Variants in ERICH3 observed in about 807,000 individuals in gnomAD.
ERICH3 encodes the protein glutamate-rich protein 3.
In ERICH3, 126 loss-of-function variants were observed where a neutral mutation model predicts 131.1. That is an observed-to-expected ratio of 0.96 (90% confidence interval 0.83 to 1.11). The LOEUF (loss-of-function observed/expected upper bound fraction) is 1.11, where lower values mean the gene tolerates loss of function less well. Ranked by LOEUF, ERICH3 falls within the 50% of genes most tolerant of loss-of-function variation. The probability of loss-of-function intolerance (pLI) is 0.00; values close to 1 mark genes in which losing one functional copy is unlikely to be tolerated. For synonymous variants in ERICH3, 695 were observed against 644.6 expected (o/e 1.08, Z -1.18); for missense variants, 2,050 against 1,810.7 (o/e 1.13, Z -2.40).
At chr1:74,584,727 C>T (rs1016005338) in intron 12 of ERICH3, among the ~76,000 whole-genome samples, 1 of 152,184 alleles carries the variant, frequency 6.6e-6, no homozygotes, top group African/African-American at 2.4e-5. Flanking sequence ...AGGCATATCT[C>T]TCTCCTAGAA....
At position 74,572,908 on chromosome 1, in the gene ERICH3, C is replaced by T. The variant is rs780568859; in HGVS notation, c.2802G>A (p.Glu934=). The part of the protein sequence containing the change: ...EAATSEEGEA[E]GGVAVSDVGE... ...CGACATCACTCACAGCCACCCCACCCTCAGCCTCTCCCTCCTCCGATGTCG... is the reference window on the plus strand; with the variant it reads ...CGACATCACTCACAGCCACCCCACCTTCAGCCTCTCCCTCCTCCGATGTCG... Residue 934 remains glutamate (E), a synonymous_variant, in exon 14 of 15, where the codon GAG becomes GAA. Transcript: ENST00000326665. 2.5e-6 allele frequency: 4 copies of T among 1,613,964 alleles called. No individual in the cohort carries two copies. The highest frequency in any genetic ancestry group is 4.5e-5 in the East Asian group (2 of 44,880).
At chr1:74,620,071 C>G (rs1237245322) in intron 8 of ERICH3, among the ~76,000 whole-genome samples, 2 of 152,148 alleles carry the variant, frequency 1.3e-5, no homozygotes, top group African/African-American at 4.8e-5. Flanking sequence ...TTTTTGGACC[C>G]AGTTTCTTAA....
At chr1:74,612,163 G>A (rs1648727347) in intron 9 of ERICH3, among the ~76,000 whole-genome samples, 1 of 152,200 alleles carries the variant, frequency 6.6e-6, no homozygotes, top group African/African-American at 2.4e-5. Context: ...GGGTCAGACA[G>A]TAATGCAGGC....
At position 74,569,230 on chromosome 1, in the gene ERICH3, G is replaced by T. The variant is rs1646908019; in HGVS notation, c.*1228C>A. 1.0e-5 allele frequency: 1 copy of T among 100,370 alleles called. No homozygotes were observed. Among genetic ancestry groups the T allele is most frequent in the South Asian group, 3.2e-4 (1 of 3,112 alleles). The allele number at this position is 100,370 out of a possible 1,614,324, so 6.2% of individuals were successfully genotyped here. ...TGTAGATCCATCTAAAACGAATTAA[G>T]TCTGAATCTCTGGGGTGGGGAAAAG... is the stretch of plus-strand genomic sequence containing the variant. On this transcript the variant is annotated 3_prime_UTR_variant, in exon 15 of 15. Transcript: ENST00000326665.
chr1:74,634,510 C>A (rs1283893678), intron 6 of ERICH3, among the ~76,000 whole-genome samples: 2 of 151,924 alleles, frequency 1.3e-5, no homozygotes, highest in South Asian at 4.1e-4. Flanking sequence ...TGGCTCAGAA[C>A]AGATTTGAAG....
intron 8 of ERICH3, among the ~76,000 whole-genome samples, chr1:74,615,853 T>C (rs931965073): frequency 6.6e-6 from 1 of 152,004 alleles, no homozygotes; most frequent in Admixed American, 6.5e-5. Flanking sequence ...TCTGTGGGGG[T>C]TGACTTGATT....
In ERICH3 at chr1:74,591,145, T is replaced by C. The variant is rs576694510; in HGVS notation, c.1727-1065A>G. The stretch of plus-strand genomic sequence containing the variant: ...TTTAGGTGACACTTGCATGTGTGTG[T>C]GTACATAGATGGAGATTTTATCTTA... On this transcript the variant is annotated intron_variant, in intron 11 of 14. Transcript: ENST00000326665. Among the ~76,000 whole-genome samples, 19 of 152,270 alleles carry C rather than the reference T, an allele frequency of 1.2e-4. 2 individuals carry two copies. In the South Asian group the frequency reaches 3.3e-3, roughly 27 times the overall value.
chr1:74,624,117 A>G (rs776042578), intron 7 of ERICH3: 9 of 152,172 alleles, frequency 5.9e-5, no homozygotes, highest in Non-Finnish European at 1.3e-4. Flanking sequence ...GGCATTCCAT[A>G]TTCTGTCCTT....
intron 10 of ERICH3, among the ~76,000 whole-genome samples, chr1:74,604,933 T>C (rs1468753927): frequency 6.6e-6 from 1 of 151,958 alleles, no homozygotes; most frequent in Non-Finnish European, 1.5e-5. Flanking sequence ...CTTTGAAGCT[T>C]TGAAGTCAGG....
intron 1 of ERICH3, among the ~76,000 whole-genome samples, chr1:74,651,084 C>T (rs75334385): frequency 0.027 from 4,178 of 152,032 alleles, 194 homozygotes; most frequent in African/African-American, 0.096. Context: ...AACCACTAAT[C>T]CTTAATTTAT....
intron 7 of ERICH3, among the ~76,000 whole-genome samples, chr1:74,627,234 A>G (rs1649448599): frequency 6.6e-6 from 1 of 152,166 alleles, no homozygotes. Flanking sequence ...CATCTTGAAT[A>G]GAAAAACAAG....
At chr1:74,656,103 C>T (rs577543519) in intron 1 of ERICH3, among the ~76,000 whole-genome samples, 3 of 152,132 alleles carry the variant, frequency 2.0e-5, no homozygotes, top group Non-Finnish European at 2.9e-5. Context: ...CTTGAACATT[C>T]CCAGGCACTG....
chr1:74,648,931 G>T (rs1314627328), intron 2 of ERICH3, among the ~76,000 whole-genome samples: 1 of 152,056 alleles, frequency 6.6e-6, no homozygotes, highest in African/African-American at 2.4e-5. Flanking sequence ...CATACAATGT[G>T]TTCAATAAAT....
chr1:74,612,851 T>A (rs1233856648), intron 8 of ERICH3, 42 bp from the exon 9 acceptor site: 1 of 1,476,228 alleles, frequency 6.8e-7, no homozygotes, highest in Admixed American at 1.8e-5. Flanking sequence ...GCAACTGACT[T>A]CGGACTAACA....
intron 5 of ERICH3, among the ~76,000 whole-genome samples, chr1:74,639,871 A>G (rs1006524512): frequency 6.6e-6 from 1 of 152,198 alleles, no homozygotes; most frequent in African/African-American, 2.4e-5. Context: ...CTTGGAGATC[A>G]TGAGTCAAAT....
intron 1 of ERICH3, among the ~76,000 whole-genome samples, chr1:74,655,770 C>G (rs1301421421): frequency 2.0e-5 from 3 of 152,138 alleles, no homozygotes; most frequent in Non-Finnish European, 4.4e-5. Flanking sequence ...AGCCTGATGC[C>G]AGGAGCAGAA....
intron 13 of ERICH3, among the ~76,000 whole-genome samples, chr1:74,575,693 T>C (rs1647039430): frequency 6.6e-6 from 1 of 152,218 alleles, no homozygotes; most frequent in Non-Finnish European, 1.5e-5. Context: ...TCTAATCTGG[T>C]TTCTAAATTT....
chr1:74,619,085 G>A (rs1361311385), intron 8 of ERICH3, among the ~76,000 whole-genome samples: 3 of 152,114 alleles, frequency 2.0e-5, no homozygotes, highest in African/African-American at 7.2e-5. Context: ...TGCATCGACA[G>A]GATTCAATTA....
intron 4 of ERICH3, 124 bp downstream of exon 4, chr1:74,642,903 T>C: frequency 5.9e-6 from 4 of 672,886 alleles, no homozygotes; most frequent in South Asian, 1.9e-5. Context: ...TGAACCATCA[T>C]TGACTTCAAC....
Sources: gnomAD v4.1 joint callset for allele counts (sites outside exome capture counted in the v4.1 genomes callset) on GRCh38, gnomAD v4.1.1 for gene constraint, MANE v1.5 for transcripts, NCBI Gene and HGNC (gene_info 2026-07-23, HGNC 2026-07-21) for gene names.